The following KDM3B variants were observed in gnomAD, a reference collection of about 807,000 sequenced individuals.
KDM3B encodes the protein lysine demethylase 3B.
KDM3B carries 10 observed loss-of-function variants against 170.0 expected under a neutral mutation model. The observed-to-expected ratio is 0.06, with a 90% confidence interval of 0.04 to 0.10. The LOEUF is 0.10. Ranked by LOEUF, KDM3B falls within the 10% of genes least tolerant of loss-of-function variation. KDM3B has a pLI of 1.00. For missense variants in KDM3B, 1,394 were observed against 2,195.2 expected, an observed-to-expected ratio of 0.64 and a Z score of 7.29; for synonymous variants, 831 against 834.8, an observed-to-expected ratio of 1.00 and a Z score of 0.08.
intron 1 of KDM3B, among the ~76,000 whole-genome samples, chr5:138,363,793 G>C (rs936094761): frequency 6.6e-6 from 1 of 152,182 alleles, no homozygotes; most frequent in Non-Finnish European, 1.5e-5. Flanking sequence ...TGATCCGCCT[G>C]CTTTGGCCTC....
chr5:138,419,110 C>T lies in KDM3B; in HGVS notation c.3593C>T (p.Ala1198Val), dbSNP rs1397105938. 1.9e-6 allele frequency: 3 copies of T among 1,614,232 alleles called. No homozygotes were observed. The highest frequency in any genetic ancestry group is 2.5e-6 in the Non-Finnish European group (3 of 1,180,048). ...GAGCCTCTGAAAACAGACAGTTCGGCATCAAATAGCAATAGTGAACTGAAA... is the reference window on the plus strand; with the variant it reads ...GAGCCTCTGAAAACAGACAGTTCGGTATCAAATAGCAATAGTGAACTGAAA... The part of the protein sequence containing the change: ...SEEPLKTDSS[A>V]SNSNSELKAI... The change falls in exon 14 of 24, where the codon GCA (alanine) becomes GTA (valine). Residue 1198 changes from alanine to valine, a missense_variant. Physicochemically the swap from Ala to Val is moderately conservative, Grantham distance 64 (BLOSUM62 0). Around this residue, in one of 19 missense-constraint regions of KDM3B, gnomAD observed 87 missense variants for 83.3 expected, o/e 1.04. Coordinates refer to ENST00000314358, the MANE Select transcript of KDM3B (RefSeq NM_016604.4).
At chr5:138,419,671 ATATATAT>A (rs1763210216) in intron 14 of KDM3B, among the ~76,000 whole-genome samples, 1 of 85,074 alleles carries the variant, frequency 1.2e-5, no homozygotes, top group Non-Finnish European at 2.6e-5. Context: ...AAAAAAAAAT[ATATATAT>A]ATATATATAT....
At chr5:138,365,111 T>C (rs1334431372) in intron 1 of KDM3B, among the ~76,000 whole-genome samples, 1 of 152,226 alleles carries the variant, frequency 6.6e-6, no homozygotes, top group East Asian at 1.9e-4. Context: ...TTACATTTTG[T>C]TTGGAGTATA....
intron 11 of KDM3B, among the ~76,000 whole-genome samples, chr5:138,406,687 A>T (rs1473873440): frequency 6.6e-6 from 1 of 152,170 alleles, no homozygotes; most frequent in African/African-American, 2.4e-5. Context: ...AAGAGTATAA[A>T]TGAGAAAAAG....
At chr5:138,377,916 A>G (rs991432414) in intron 4 of KDM3B, 91 bp downstream of exon 4, 10 of 739,888 alleles carry the variant, frequency 1.4e-5, no homozygotes, top group Middle Eastern at 2.5e-4. Context: ...AACCTTAAAC[A>G]TTTGTACTTA....
chr5:138,356,060 C>T (rs1028918772), intron 1 of KDM3B, among the ~76,000 whole-genome samples: 10 of 152,050 alleles, frequency 6.6e-5, no homozygotes, highest in Non-Finnish European at 1.5e-4. Flanking sequence ...TTTTACTCAT[C>T]GTTTTTGGTA....
rs768667921 is a variant in KDM3B, at chr5:138,415,238, A to C, written c.3306A>C (p.Thr1102=). The C allele has an allele frequency of 1.9e-6, 3 of 1,588,928 alleles. No individual in the cohort carries two copies. The highest frequency in any genetic ancestry group is 2.6e-6 in the Non-Finnish European group (3 of 1,160,362). The change falls in exon 12 of 24, where the codon ACA becomes ACC. Residue 1102 remains threonine (T), a splice_region_variant and synonymous_variant. Transcript: ENST00000314358. ...NLMPTQIIPG[T]ALYNIGDMVH... ...TGCCCACACAAATTATTCCTGGCAC[A>C]GGTAAGGAAATTCCTTTTTTAGATT...
chr5:138,430,174 A>G (rs1763495296), intron 21 of KDM3B, 75 bp from the exon 22 acceptor site: 3 of 1,521,420 alleles, frequency 2.0e-6, no homozygotes, highest in Admixed American at 3.7e-5. Context: ...ATCTTAGGAC[A>G]TTGCTGCAGC....
At chr5:138,361,388 G>A (rs1387712593) in intron 1 of KDM3B, among the ~76,000 whole-genome samples, 1 of 151,724 alleles carries the variant, frequency 6.6e-6, no homozygotes, top group African/African-American at 2.4e-5. Flanking sequence ...TCAGGCTCTA[G>A]GGGACTGATT....
At chr5:138,426,914 G>T (rs1315628526) in intron 17 of KDM3B, 61 bp from the exon 18 acceptor site, 19 of 1,130,716 alleles carry the variant, frequency 1.7e-5, no homozygotes, top group Non-Finnish European at 2.3e-5. Flanking sequence ...AAAAGTTACT[G>T]TTGAAAATCG....
At chr5:138,387,570 T>C (rs1057051647) in intron 7 of KDM3B, among the ~76,000 whole-genome samples, 6 of 152,218 alleles carry the variant, frequency 3.9e-5, no homozygotes, top group African/African-American at 1.4e-4. Flanking sequence ...AAACGTGACT[T>C]CTTTCCCTCC....
intron 1 of KDM3B, 48 bp downstream of exon 1, chr5:138,353,035 G>T (rs1761366873): frequency 1.7e-6 from 2 of 1,198,908 alleles, no homozygotes. Flanking sequence ...TGCGGGGCCT[G>T]CGGGCGGCCT....
intron 15 of KDM3B, among the ~76,000 whole-genome samples, chr5:138,423,869 A>G (rs1205139510): frequency 6.6e-6 from 1 of 152,174 alleles, no homozygotes; most frequent in African/African-American, 2.4e-5. Context: ...TTCTTTCCTA[A>G]ATGTTAAGGT....
At chr5:138,427,718 A>G (rs959912957) in intron 19 of KDM3B, among the ~76,000 whole-genome samples, 5 of 152,186 alleles carry the variant, frequency 3.3e-5, no homozygotes, top group South Asian at 2.1e-4. Flanking sequence ...CCTAATGCCC[A>G]TATCTGTTTT....
Position 138,391,675 on chromosome 5 carries a change from A to G in KDM3B, c.2043A>G (p.Ala681=). The G allele has an allele frequency of 6.2e-7, 1 of 1,614,080 alleles. No individual in the cohort carries two copies. Among genetic ancestry groups the G allele is most frequent in the African/African-American group, 1.3e-5 (1 of 75,012 alleles). ...GCTGGCCCGAGTCTCACTCCTCTGCAGATTCGGCATCTTTAGCAAAGAAGA... is the reference window on the plus strand; with the variant it reads ...GCTGGCCCGAGTCTCACTCCTCTGCGGATTCGGCATCTTTAGCAAAGAAGA... ...APSWPESHSS[A]DSASLAKKKP... is the part of the protein sequence containing the mutation. Residue 681 remains alanine (A), a synonymous_variant, in exon 8 of 24, where the codon GCA becomes GCG. Transcript: ENST00000314358. This position sits in a 1 kb window ranked among gnomAD's most constrained non-coding sequence, Gnocchi z 5.0.
intron 3 of KDM3B, 100 bp from the exon 4 acceptor site, chr5:138,377,620 A>G: frequency 1.3e-6 from 1 of 782,800 alleles, no homozygotes; most frequent in Non-Finnish European, 2.2e-6. Flanking sequence ...TGTTTGGCAA[A>G]TGTTGATATA....
At chr5:138,407,875 G>A (rs1161206771) in intron 11 of KDM3B, among the ~76,000 whole-genome samples, 1 of 152,184 alleles carries the variant, frequency 6.6e-6, no homozygotes, top group Non-Finnish European at 1.5e-5. Context: ...CCACTCCAGA[G>A]CGGGGAATGA....
chr5:138,418,554 T>A (rs535734599), intron 13 of KDM3B, among the ~76,000 whole-genome samples: 1 of 152,338 alleles, frequency 6.6e-6, no homozygotes, highest in East Asian at 1.9e-4. Flanking sequence ...AAGCAAATTA[T>A]TTAGAAAAAT....
chr5:138,421,833 TAG>T (rs1291015193), intron 15 of KDM3B, among the ~76,000 whole-genome samples: 1 of 152,194 alleles, frequency 6.6e-6, no homozygotes, highest in African/African-American at 2.4e-5. Context: ...TACAGATGAG[TAG>T]AGTCACGCAC....
Sources: allele counts gnomAD v4.1 joint callset (sites outside exome capture counted in the v4.1 genomes callset), GRCh38; gene constraint gnomAD v4.1.1; regional missense constraint gnomAD v4.1.1; non-coding constraint Gnocchi (gnomAD v3.1); transcripts MANE v1.5; gene names NCBI Gene and HGNC (gene_info 2026-07-23, HGNC 2026-07-21).